Variants in PCDHA2 observed in about 807,000 individuals in gnomAD.
PCDHA2 encodes the protein protocadherin alpha-2.
Under a neutral mutation model 66.0 loss-of-function variants are expected in PCDHA2, and 58 were observed. That is an observed-to-expected ratio of 0.88 (90% confidence interval 0.71 to 1.09). The LOEUF (loss-of-function observed/expected upper bound fraction) is 1.09. Ranked by LOEUF, PCDHA2 falls within the 50% of genes least tolerant of loss-of-function variation. PCDHA2 has a pLI of 0.00. For missense variants in PCDHA2, 1,267 were observed against 1,242.3 expected, an observed-to-expected ratio of 1.02 and a Z score of -0.30; for synonymous variants, 634 against 554.0, an observed-to-expected ratio of 1.14 and a Z score of -2.03.
intron 1 of PCDHA2, among the ~76,000 whole-genome samples, chr5:140,952,745 A>G (rs1554220592): frequency 6.6e-6 from 1 of 152,220 alleles, no homozygotes; most frequent in African/African-American, 2.4e-5. Context: ...TCACACTGCT[A>G]TAAAAACACC....
In PCDHA2 at chr5:140,823,270, G is replaced by C. The variant is rs1554129230; in HGVS notation, c.2388+25918G>C. The C allele has an allele frequency of 2.5e-6, 4 of 1,612,658 alleles. No homozygotes were observed. In the East Asian group the frequency reaches 8.9e-5, roughly 36 times the overall value. On this transcript the variant is annotated intron_variant, in intron 1 of 3. Transcript: ENST00000526136. ...CTACTCGCTGGTGGAGCGGCGGGTGGGCGAGCGCCCGCTGTCGAGTTACGT... is the reference window on the plus strand; with the variant it reads ...CTACTCGCTGGTGGAGCGGCGGGTGCGCGAGCGCCCGCTGTCGAGTTACGT...
At chr5:140,882,655 C>T in intron 1 of PCDHA2, 5 of 1,614,196 alleles carry the variant, frequency 3.1e-6, no homozygotes, top group Non-Finnish European at 4.2e-6. Context: ...TTAACGACAA[C>T]CCGCCCATAT....
intron 1 of PCDHA2, among the ~76,000 whole-genome samples, chr5:140,902,203 C>CTTTTTTTTTT (rs148688132): frequency 8.0e-6 from 1 of 124,460 alleles, no homozygotes; most frequent in Non-Finnish European, 1.7e-5. Flanking sequence ...CTCTCTCTTT[C>CTTTTTTTTTT]TTTTTTTTTT....
At chr5:140,931,602 T>C (rs1192023680) in intron 1 of PCDHA2, among the ~76,000 whole-genome samples, 12 of 152,084 alleles carry the variant, frequency 7.9e-5, no homozygotes, top group Non-Finnish European at 1.2e-4. Flanking sequence ...TTTTCCATCA[T>C]TGTTGATATT....
At chr5:140,999,784 T>C (rs1176844844) in intron 3 of PCDHA2, among the ~76,000 whole-genome samples, 1 of 152,202 alleles carries the variant, frequency 6.6e-6, no homozygotes, top group African/African-American at 2.4e-5. Context: ...AACCTAGAAA[T>C]GGCAGAGTTA....
At chr5:140,857,914 C>A (rs781836779) in intron 1 of PCDHA2, 4 of 1,597,754 alleles carry the variant, frequency 2.5e-6, no homozygotes, top group South Asian at 2.2e-5. Flanking sequence ...TCCCGTTTCG[C>A]GTGGGGCTGT....
chr5:140,970,881 C>T (rs1316692542), intron 1 of PCDHA2, among the ~76,000 whole-genome samples: 1 of 152,050 alleles, frequency 6.6e-6, no homozygotes, highest in Non-Finnish European at 1.5e-5. Flanking sequence ...GTAGATTTTT[C>T]TCATGGACAT....
chr5:140,825,145 T>A (rs1768461480), intron 1 of PCDHA2: 2 of 151,846 alleles, frequency 1.3e-5, no homozygotes, highest in African/African-American at 4.8e-5. Flanking sequence ...ATATGAGTAT[T>A]GATTTTAATC....
chr5:140,985,792 T>G (rs1043772430), intron 3 of PCDHA2, among the ~76,000 whole-genome samples: 1 of 142,326 alleles, frequency 7.0e-6, no homozygotes. Flanking sequence ...CAGGCTGGAG[T>G]GCAGTGGCAC....
intron 1 of PCDHA2, chr5:140,852,261 A>G: frequency 2.0e-6 from 1 of 506,240 alleles, no homozygotes; most frequent in Non-Finnish European, 2.6e-6. Flanking sequence ...GGAATATGCT[A>G]CAATATTACA....
At position 140,848,955 on chromosome 5, in the gene PCDHA2, C is replaced by T. The variant is rs2150426444; in HGVS notation, c.2388+51603C>T. On this transcript the variant is annotated intron_variant, in intron 1 of 3. Coordinates refer to ENST00000526136, the MANE Select transcript of PCDHA2 (RefSeq NM_018905.3). ...CAGGCCGCTTGACTCTCGGTTTCCA[C>T]TAGAGGGCGCGTCCGATGCAGATAT... 9.1e-5 allele frequency: 146 copies of T among 1,606,852 alleles called. 6 individuals are homozygous for T. Among genetic ancestry groups the T allele is most frequent in the Middle Eastern group, 1.7e-4 (1 of 6,060 alleles).
intron 3 of PCDHA2, among the ~76,000 whole-genome samples, chr5:140,999,602 G>A (rs150839481): frequency 5.1e-4 from 78 of 152,202 alleles, no homozygotes; most frequent in African/African-American, 1.9e-3. Flanking sequence ...CTACATCCTG[G>A]GGGACCTTAT....
chr5:140,802,379 C>G (rs781889429), intron 1 of PCDHA2: 3 of 1,614,152 alleles, frequency 1.9e-6, no homozygotes, highest in East Asian at 2.2e-5. Flanking sequence ...CCCACGTCCC[C>G]TTCAAGCTGG....
chr5:140,859,697 G>T (rs1233998662), intron 1 of PCDHA2: 1 of 154,148 alleles, frequency 6.5e-6, no homozygotes, highest in Non-Finnish European at 1.4e-5. Flanking sequence ...TATTGTTCAA[G>T]TTTAGGAACA....
At chr5:140,798,763 G>T (rs1762359372) in intron 1 of PCDHA2, among the ~76,000 whole-genome samples, 1 of 152,134 alleles carries the variant, frequency 6.6e-6, no homozygotes, top group African/African-American at 2.4e-5. Flanking sequence ...TTATAACACT[G>T]AACTCGACAA....
intron 1 of PCDHA2, among the ~76,000 whole-genome samples, chr5:140,846,541 AT>A (rs1226302144): frequency 6.8e-6 from 1 of 147,482 alleles, no homozygotes; most frequent in Non-Finnish European, 1.5e-5. Context: ...TGCCCTGCTA[AT>A]TTTTTGTATT....
intron 1 of PCDHA2, among the ~76,000 whole-genome samples, chr5:140,887,589 T>C (rs1271786236): frequency 6.6e-6 from 1 of 152,120 alleles, no homozygotes; most frequent in Non-Finnish European, 1.5e-5. Context: ...CTTTTGCAGA[T>C]TGATTGTGAT....
At chr5:140,853,805 C>A in intron 1 of PCDHA2, 1 of 986,730 alleles carries the variant, frequency 1.0e-6, no homozygotes, top group Non-Finnish European at 1.2e-6. Flanking sequence ...TTTTAAAGCA[C>A]ACCTGAGATG....
rs147351924 is a variant in PCDHA2, at chr5:141,009,782, C to T, written c.2692C>T (p.Arg898Trp). 27 of 1,613,956 alleles carry T rather than the reference C, an allele frequency of 1.7e-5. No homozygotes were observed. The highest frequency in any genetic ancestry group is 9.9e-5 in the South Asian group (9 of 91,070). ...AGGATCTCCTGCAATCATCTCCATCCGGCAGGAGCCTACTAACAGCCAAAT... is the reference window on the plus strand; with the variant it reads ...AGGATCTCCTGCAATCATCTCCATCTGGCAGGAGCCTACTAACAGCCAAAT... ...IPGSPAIISI[R>W]QEPTNSQIDK... is the part of the protein sequence containing the mutation. The change falls in exon 4 of 4, where the codon CGG becomes TGG. Residue 898 changes from arginine (R) to tryptophan (W), a missense_variant. Coordinates refer to ENST00000526136, the MANE Select transcript of PCDHA2 (RefSeq NM_018905.3).
Sources: allele counts gnomAD v4.1 joint callset (sites outside exome capture counted in the v4.1 genomes callset), GRCh38; gene constraint gnomAD v4.1.1; transcripts MANE v1.5; gene names NCBI Gene and HGNC (gene_info 2026-07-23, HGNC 2026-07-21).